The following C11orf97 variants were observed in gnomAD, a reference collection of about 807,000 sequenced individuals.
C11orf97 encodes the protein chromosome 11 open reading frame 97, also known as uncharacterized protein C11orf97.
A neutral mutation model predicts 16.2 loss-of-function variants in C11orf97; 15 were observed. That is an observed-to-expected ratio of 0.93 (90% CI 0.62 to 1.43). The LOEUF (loss-of-function observed/expected upper bound fraction) is 1.43, where lower values mean the gene tolerates loss of function less well. Among genes scored for constraint, C11orf97 ranks in the 40% most tolerant of loss-of-function variants. C11orf97 has a pLI of 0.00. For synonymous variants in C11orf97, 61 were observed against 65.7 expected (o/e 0.93, Z 0.34); for missense variants, 171 against 161.2 (o/e 1.06, Z -0.33).
intron 2 of C11orf97, among the ~76,000 whole-genome samples, chr11:94,526,507 C>T (rs749359668): frequency 1.3e-5 from 2 of 152,148 alleles, no homozygotes; most frequent in Non-Finnish European, 2.9e-5. Flanking sequence ...TTTGTCTGCA[C>T]GGTTCTGCTT....
At chr11:94,514,453 T>C (rs1055984052) in intron 1 of C11orf97, among the ~76,000 whole-genome samples, 1 of 152,128 alleles carries the variant, frequency 6.6e-6, no homozygotes, top group African/African-American at 2.4e-5. Flanking sequence ...TGTCTGTAAT[T>C]ATTGGAAAAG....
At chr11:94,525,206 G>C (rs1468471705) in intron 2 of C11orf97, among the ~76,000 whole-genome samples, 2 of 152,200 alleles carry the variant, frequency 1.3e-5, no homozygotes, top group Middle Eastern at 3.4e-3. Flanking sequence ...GAAATAAAGT[G>C]ATGTATTAAT....
chr11:94,513,960 A>G (rs2135176113), intron 1 of C11orf97, among the ~76,000 whole-genome samples: 1 of 152,228 alleles, frequency 6.6e-6, no homozygotes, highest in Admixed American at 6.5e-5. Context: ...GGCACACACC[A>G]CCATGCCCGG....
chr11:94,515,552 G>A (rs2135177268), intron 1 of C11orf97, among the ~76,000 whole-genome samples: 1 of 148,442 alleles, frequency 6.7e-6, no homozygotes, highest in Non-Finnish European at 1.5e-5. Context: ...TTTTAAATTT[G>A]CTTTCCCTTC....
intron 2 of C11orf97, among the ~76,000 whole-genome samples, chr11:94,524,832 G>GCCGC (rs1321565487): frequency 6.6e-6 from 1 of 152,086 alleles, no homozygotes; most frequent in African/African-American, 2.4e-5. Flanking sequence ...GACAAGGCAG[G>GCCGC]CCGATCACAT....
intron 1 of C11orf97, 144 bp downstream of exon 1, chr11:94,512,817 G>T: frequency 1.1e-6 from 1 of 898,932 alleles, no homozygotes; most frequent in Non-Finnish European, 1.5e-6. Flanking sequence ...CAGAACCAGA[G>T]ATGATGGCAC....
intron 1 of C11orf97, among the ~76,000 whole-genome samples, chr11:94,515,120 G>A (rs554089972): frequency 6.6e-5 from 10 of 152,230 alleles, no homozygotes; most frequent in South Asian, 4.2e-4. Flanking sequence ...TGTAATAACC[G>A]TAGGAGCTTG....
chr11:94,520,307 G>A (rs763775528), intron 2 of C11orf97, among the ~76,000 whole-genome samples: 4 of 152,090 alleles, frequency 2.6e-5, no homozygotes, highest in African/African-American at 4.8e-5. Context: ...AGGTCACAAT[G>A]CTCCAATTTC....
At chr11:94,512,736 C>T (rs1947579653) in intron 1 of C11orf97, 63 bp downstream of exon 1, 1 of 1,231,444 alleles carries the variant, frequency 8.1e-7, no homozygotes, top group South Asian at 4.0e-5. Flanking sequence ...AGTGACAGGG[C>T]AATTGGGGGA....
At chr11:94,528,059 T>G (rs1331263905) in intron 2 of C11orf97, 25 bp from the exon 3 acceptor site, 1 of 1,510,286 alleles carries the variant, frequency 6.6e-7, no homozygotes, top group Non-Finnish European at 8.8e-7. Context: ...AATAATTATT[T>G]TCTTGCCTTA....
At chr11:94,521,495 T>C (rs1406350323) in intron 2 of C11orf97, among the ~76,000 whole-genome samples, 1 of 152,220 alleles carries the variant, frequency 6.6e-6, no homozygotes, top group Non-Finnish European at 1.5e-5. Context: ...GTTTGGCAGG[T>C]TAGGTGTATG....
chr11:94,521,777 A>T (rs925952602), intron 2 of C11orf97, among the ~76,000 whole-genome samples: 5 of 152,208 alleles, frequency 3.3e-5, no homozygotes, highest in Non-Finnish European at 7.3e-5. Flanking sequence ...TTATGCATTA[A>T]GTAGCAGAAC....
intron 1 of C11orf97, among the ~76,000 whole-genome samples, chr11:94,514,430 T>C (rs1253668357): frequency 1.3e-5 from 2 of 152,118 alleles, no homozygotes; most frequent in African/African-American, 2.4e-5. Context: ...AAGTACTCAG[T>C]CAATTTTTCA....
chr11:94,530,050 C>T (rs879923312), intron 3 of C11orf97, among the ~76,000 whole-genome samples: 5 of 152,090 alleles, frequency 3.3e-5, no homozygotes, highest in Non-Finnish European at 5.9e-5. Flanking sequence ...AACAAATTTC[C>T]TTTATTTAAA....
intron 2 of C11orf97, among the ~76,000 whole-genome samples, chr11:94,520,164 T>C (rs1162133064): frequency 2.6e-5 from 4 of 152,258 alleles, no homozygotes; most frequent in African/African-American, 9.6e-5. Flanking sequence ...GAAACTGTTC[T>C]TTCCAAGATT....
At chr11:94,514,874 A>G (rs1947599743) in intron 1 of C11orf97, among the ~76,000 whole-genome samples, 1 of 151,892 alleles carries the variant, frequency 6.6e-6, no homozygotes, top group East Asian at 1.9e-4. Flanking sequence ...TGGACTCCTG[A>G]CCTCAAGTAA....
intron 1 of C11orf97, among the ~76,000 whole-genome samples, chr11:94,516,384 G>A (rs1416626902): frequency 6.6e-6 from 1 of 152,178 alleles, no homozygotes; most frequent in Non-Finnish European, 1.5e-5. Flanking sequence ...AGAACTATCG[G>A]TTCACTGACA....
intron 1 of C11orf97, among the ~76,000 whole-genome samples, chr11:94,513,765 T>C (rs894167100): frequency 1.3e-5 from 2 of 152,224 alleles, no homozygotes; most frequent in South Asian, 4.1e-4. Flanking sequence ...TTAGAGCACA[T>C]AAATTCAGTA....
At chr11:94,525,026 T>C (rs1306334829) in intron 2 of C11orf97, among the ~76,000 whole-genome samples, 1 of 150,500 alleles carries the variant, frequency 6.6e-6, no homozygotes, top group Admixed American at 6.6e-5. Flanking sequence ...ACCACTGCAC[T>C]TCAGCTTGGA....
Sources: allele counts gnomAD v4.1 joint callset (sites outside exome capture counted in the v4.1 genomes callset), GRCh38; gene constraint gnomAD v4.1.1; transcripts MANE v1.5; gene names NCBI Gene and HGNC (gene_info 2026-07-23, HGNC 2026-07-21).